PCDHGB2: variants seen among roughly 807,000 people sequenced by gnomAD.
The protein encoded by PCDHGB2 is protocadherin gamma-B2.
In PCDHGB2, 55 loss-of-function variants were observed where a neutral mutation model predicts 59.3. That is an observed-to-expected ratio of 0.93 (90% CI 0.75 to 1.16). The LOEUF (loss-of-function observed/expected upper bound fraction) is 1.16. PCDHGB2 is among the 50% of genes most tolerant of loss of function. The pLI, the probability that PCDHGB2 is intolerant of heterozygous loss-of-function variation, is 0.00. For synonymous variants in PCDHGB2, 516 were observed against 512.0 expected (o/e 1.01, Z -0.11); for missense variants, 1,228 against 1,198.5 (o/e 1.02, Z -0.36).
At position 141,487,939 on chromosome 5, in the gene PCDHGB2, C is replaced by A; in HGVS notation, c.2422-6868C>A. ...AGGCTACAGTGCACAGGGTACAGTG[C>A]ACCAGGCAGTCACTTGGACAAAGGT... On this transcript the variant is annotated intron_variant, in intron 1 of 3. Coordinates refer to ENST00000522605, the MANE Select transcript of PCDHGB2 (RefSeq NM_018923.3). The surrounding 1 kb of genome is among the most constrained non-coding windows in gnomAD (Gnocchi z 5.0). The A allele has an allele frequency of 1.7e-6, 1 of 600,512 alleles. No individual in the cohort carries two copies. Among genetic ancestry groups the A allele is most frequent in the Non-Finnish European group, 2.9e-6 (1 of 343,042 alleles). The allele number at this position is 600,512 out of a possible 1,614,324, so 37.2% of individuals were successfully genotyped here.
At chr5:141,454,666 A>G (rs1561955978) in intron 1 of PCDHGB2, among the ~76,000 whole-genome samples, 1 of 152,104 alleles carries the variant, frequency 6.6e-6, no homozygotes, top group Non-Finnish European at 1.5e-5. Context: ...TCGGCCTCCC[A>G]AAACACTGGG....
intron 1 of PCDHGB2, among the ~76,000 whole-genome samples, chr5:141,363,263 C>G (rs933065042): frequency 5.9e-5 from 9 of 152,160 alleles, no homozygotes; most frequent in African/African-American, 2.2e-4. Flanking sequence ...TTACTTAAAA[C>G]TTTGCTTTTG....
At chr5:141,505,666 G>T (rs904221281) in intron 3 of PCDHGB2, among the ~76,000 whole-genome samples, 185 bp downstream of exon 3, 3 of 152,180 alleles carry the variant, frequency 2.0e-5, no homozygotes, top group Non-Finnish European at 4.4e-5. Context: ...ACAGCAGAGG[G>T]GTTGGGGGTC....
At chr5:141,427,839 G>A (rs1276507135) in intron 1 of PCDHGB2, 3 of 1,547,192 alleles carry the variant, frequency 1.9e-6, no homozygotes, top group African/African-American at 2.7e-5. Context: ...GCGTGCCTTC[G>A]ACCACGAGCA....
At position 141,413,851 on chromosome 5, in the gene PCDHGB2, C is replaced by T. The variant is rs766108205; in HGVS notation, c.2421+51295C>T. The T allele has an allele frequency of 1.5e-5, 25 of 1,613,340 alleles. No homozygotes were observed. In the East Asian group the frequency reaches 2.7e-4, roughly 17 times the overall value. ...CGCCTCCGACGGGGGTGACCCTCTC[C>T]GATCTGGCACTGTCCTTGTCAGTGT... On this transcript the variant is annotated intron_variant, in intron 1 of 3. Coordinates refer to ENST00000522605, the MANE Select transcript of PCDHGB2 (RefSeq NM_018923.3).
At chr5:141,371,918 C>G in intron 1 of PCDHGB2, 7 of 1,613,372 alleles carry the variant, frequency 4.3e-6, no homozygotes, top group Non-Finnish European at 5.1e-6. Context: ...TGTCCGTGAG[C>G]GCGCGGAGCG....
intron 1 of PCDHGB2, among the ~76,000 whole-genome samples, chr5:141,488,563 C>T (rs1352750895): frequency 1.3e-5 from 2 of 152,134 alleles, no homozygotes; most frequent in Admixed American, 6.6e-5. Flanking sequence ...TTGAGATTTC[C>T]GCAAAGCATT....
intron 1 of PCDHGB2, chr5:141,384,099 T>A (rs1456303515): frequency 6.3e-7 from 1 of 1,597,622 alleles, no homozygotes; most frequent in Non-Finnish European, 8.5e-7. Flanking sequence ...CAATAGATAA[T>A]TATTATAGAT....
At chr5:141,410,688 A>G in intron 1 of PCDHGB2, 1 of 1,519,164 alleles carries the variant, frequency 6.6e-7, no homozygotes, top group South Asian at 1.3e-5. Flanking sequence ...TAGGCATACT[A>G]CTTTATTTTC....
rs1365133001 is a variant in PCDHGB2 at position 141,477,683 on chromosome 5, G to A, written c.2422-17124G>A. ...TGACAATGGCATAGTGTCATCCTTA[G>A]TGCCCCTAGACTATGAGGATCGGCG... On this transcript the variant is annotated intron_variant, in intron 1 of 3. Transcript: ENST00000522605. This position sits in a 1 kb window ranked among gnomAD's most constrained non-coding sequence, Gnocchi z 4.9. 1.2e-6 allele frequency: 2 copies of A among 1,614,176 alleles called. No homozygotes were observed. The highest frequency in any genetic ancestry group is 3.3e-5 in the Admixed American group (2 of 60,028).
At position 141,489,861 on chromosome 5, in the gene PCDHGB2, A is replaced by G. The variant is rs1221756350; in HGVS notation, c.2422-4946A>G. The G allele has an allele frequency of 1.2e-5, 19 of 1,614,058 alleles. No individual in the cohort carries two copies. Among genetic ancestry groups the G allele is most frequent in the Non-Finnish European group, 1.5e-5 (18 of 1,179,998 alleles). On this transcript the variant is annotated intron_variant, in intron 1 of 3. Transcript: ENST00000522605. The surrounding 1 kb of genome is among the most constrained non-coding windows in gnomAD (Gnocchi z 4.5). ...AGCTGGATCGTGAAGCCCAGGCAAGACATCAGCTGGTGCTTACTGCTGTGG... is the reference window on the plus strand; with the variant it reads ...AGCTGGATCGTGAAGCCCAGGCAAGGCATCAGCTGGTGCTTACTGCTGTGG...
At chr5:141,410,063 C>CTGCGCACTGGGGAGG (rs2095353294) in intron 1 of PCDHGB2, 2 of 1,612,972 alleles carry the variant, frequency 1.2e-6, no homozygotes, top group Non-Finnish European at 1.7e-6. Context: ...CAGCCTGGGG[C>CTGCGCACTGGGGAGG]TGCGCACTGG....
chr5:141,366,744 G>T (rs754996318), intron 1 of PCDHGB2: 1 of 1,611,828 alleles, frequency 6.2e-7, no homozygotes, highest in South Asian at 1.1e-5. Context: ...GAAGAACGGC[G>T]AGTTCAGGTT....
intron 1 of PCDHGB2, chr5:141,419,517 G>A: frequency 6.2e-7 from 1 of 1,612,224 alleles, no homozygotes; most frequent in South Asian, 1.1e-5. Context: ...GTGTTGGTGG[G>A]CGACCGTAAC....
chr5:141,485,714 G>A lies in PCDHGB2; in HGVS notation c.2422-9093G>A. 6.2e-7 allele frequency: 1 copy of A among 1,614,182 alleles called. No individual in the cohort carries two copies. The highest frequency in any genetic ancestry group is 8.5e-7 in the Non-Finnish European group (1 of 1,180,042). On this transcript the variant is annotated intron_variant, in intron 1 of 3. Transcript: ENST00000522605. This position sits in a 1 kb window ranked among gnomAD's most constrained non-coding sequence, Gnocchi z 5.7. ...GAGCTCCAATGAACACTTTGCACTG[G>A]ATGTGAAGAAGCGCAGCGACGGCAG...
At chr5:141,366,743 C>G (rs561614642) in intron 1 of PCDHGB2, 2 of 1,611,598 alleles carry the variant, frequency 1.2e-6, no homozygotes, top group East Asian at 4.5e-5. Flanking sequence ...AGAAGAACGG[C>G]GAGTTCAGGT....
chr5:141,490,042 G>A lies in PCDHGB2; in HGVS notation c.2422-4765G>A. On this transcript the variant is annotated intron_variant, in intron 1 of 3. Transcript: ENST00000522605. This position sits in a 1 kb window ranked among gnomAD's most constrained non-coding sequence, Gnocchi z 5.4. ...TCTGCTGCTCCGCCTCAATGCCACT[G>A]ATCCAGACGAGGGCACCAACGGCCA... The A allele has an allele frequency of 6.2e-7, 1 of 1,614,266 alleles. No homozygotes were observed. Among genetic ancestry groups the A allele is most frequent in the Non-Finnish European group, 8.5e-7 (1 of 1,180,038 alleles).
chr5:141,395,178 G>T (rs1201622292), intron 1 of PCDHGB2: 2 of 1,614,142 alleles, frequency 1.2e-6, no homozygotes, highest in Non-Finnish European at 1.7e-6. Context: ...TGAGAAAAAT[G>T]ATTCTTTGTT....
intron 1 of PCDHGB2, chr5:141,414,951 G>A (rs1411406878): frequency 5.6e-6 from 9 of 1,614,092 alleles, no homozygotes; most frequent in Non-Finnish European, 7.6e-6. Flanking sequence ...GCTACCTGGT[G>A]ACCAAGGTGG....
Sources: allele counts gnomAD v4.1 joint callset (sites outside exome capture counted in the v4.1 genomes callset), GRCh38; gene constraint gnomAD v4.1.1; non-coding constraint Gnocchi (gnomAD v3.1); transcripts MANE v1.5; gene names NCBI Gene and HGNC (gene_info 2026-07-23, HGNC 2026-07-21).